The following PDHB variants were observed in gnomAD, a reference collection of about 807,000 sequenced individuals.
PDHB encodes the protein pyruvate dehydrogenase E1 subunit beta.
Under a neutral mutation model 42.8 loss-of-function variants are expected in PDHB, and 17 were observed. That is an observed-to-expected ratio of 0.40 (90% CI 0.27 to 0.60). PDHB has a LOEUF of 0.60. PDHB is among the 20% of genes least tolerant of loss of function. The pLI is 0.46. For synonymous variants in PDHB, 154 were observed against 148.7 expected, an observed-to-expected ratio of 1.04 and a Z score of -0.26; for missense variants, 322 against 451.3, an observed-to-expected ratio of 0.71 and a Z score of 2.60.
intron 8 of PDHB, chr3:58,428,832 A>G (rs1408535221): frequency 1.6e-5 from 9 of 570,242 alleles, no homozygotes; most frequent in Non-Finnish European, 2.8e-5. Context: ...CTGTGCAGTT[A>G]TAGGATTCAT....
At position 58,433,644 on chromosome 3, in the gene PDHB, G is replaced by A; in HGVS notation, c.83C>T (p.Pro28Leu). The stretch of plus-strand genomic sequence containing the variant: ...CGCGCCTGTTACCTGCAGCGCAGCC[G>A]GCGCGGTCCAGTGAAAGCGCCTCTT... The part of the protein sequence containing the change: ...LLKRRFHWTA[P>L]AALQVTVRDA... The change falls in exon 2 of 10, where the codon CCG becomes CTG. Residue 28 changes from proline (P) to leucine (L), a missense_variant. Pro to Leu is a moderately conservative substitution (Grantham distance 98). Coordinates refer to ENST00000302746, the MANE Select transcript of PDHB (RefSeq NM_000925.4). The A allele has an allele frequency of 1.2e-6, 2 of 1,611,666 alleles. No homozygotes were observed. The highest frequency in any genetic ancestry group is 1.7e-5 in the Admixed American group (1 of 59,834).
At chr3:58,433,020 A>AT in intron 2 of PDHB, 1 of 154,104 alleles carries the variant, frequency 6.5e-6, no homozygotes, top group Non-Finnish European at 1.4e-5. Flanking sequence ...TATATATATT[A>AT]TTCAGCCTTA....
chr3:58,431,987 G>A lies in PDHB; in HGVS notation c.97-3C>T. 1 of 1,599,152 alleles carries A rather than the reference G, an allele frequency of 6.3e-7. No homozygotes were observed. Among genetic ancestry groups the A allele is most frequent in the Non-Finnish European group, 8.6e-7 (1 of 1,166,394 alleles). ...TTTATAGCATCACGAACTGTCACCTGTCACAGGTATGCAAAAACAGTCAAT... is the reference window on the plus strand; with the variant it reads ...TTTATAGCATCACGAACTGTCACCTATCACAGGTATGCAAAAACAGTCAAT... On this transcript the variant is annotated splice_polypyrimidine_tract_variant and splice_region_variant and intron_variant, in intron 2 of 9. Transcript: ENST00000302746. This position sits in a 1 kb window ranked among gnomAD's most constrained non-coding sequence, Gnocchi z 4.4.
At position 58,431,492 on chromosome 3, in the gene PDHB, G is replaced by A. The variant is rs1381532397; in HGVS notation, c.303+101C>T. Reference sequence around the variant, plus strand: ...GAACCTGGAAGCTGAGATGGTGCCAGTGCACTCCAGGCTGGACAACAGAGT... The same window carrying A: ...GAACCTGGAAGCTGAGATGGTGCCAATGCACTCCAGGCTGGACAACAGAGT... On this transcript the variant is annotated intron_variant, in intron 5 of 9. Transcript: ENST00000302746. This position sits in a 1 kb window ranked among gnomAD's most constrained non-coding sequence, Gnocchi z 4.4. 4 of 920,302 alleles carry A rather than the reference G, an allele frequency of 4.3e-6. No homozygotes were observed. In the Admixed American group the frequency reaches 5.3e-5, roughly 12 times the overall value. 57.0% of individuals were successfully genotyped at this position (920,302 alleles called of 1,614,324 possible).
At chr3:58,432,140 T>C in intron 2 of PDHB, 156 bp from the exon 3 acceptor site, 1 of 681,150 alleles carries the variant, frequency 1.5e-6, no homozygotes, top group Non-Finnish European at 2.7e-6. Context: ...AAAGTAACAT[T>C]TCTATTACAC....
At chr3:58,429,012 G>A (rs542039224) in intron 8 of PDHB, among the ~76,000 whole-genome samples, 12 of 152,196 alleles carry the variant, frequency 7.9e-5, no homozygotes, top group African/African-American at 2.6e-4. Context: ...AGACCACCAC[G>A]CCTAGCTAAT....
chr3:58,432,418 C>G (rs540844519), intron 2 of PDHB: 21 of 244,192 alleles, frequency 8.6e-5, no homozygotes, highest in African/African-American at 4.6e-4. Flanking sequence ...AAAACAAGGC[C>G]AGGCACGGTG....
intron 2 of PDHB, 31 bp downstream of exon 2, chr3:58,433,600 C>T (rs2062943052): frequency 1.9e-6 from 3 of 1,597,230 alleles, no homozygotes; most frequent in African/African-American, 1.3e-5. Flanking sequence ...ACCCTCCCCG[C>T]CCTCGTCCGA....
In PDHB at chr3:58,427,984, G is replaced by A; in HGVS notation, c.*50C>T. ...CTTGCAGTACAAATCCAGGTGCAGT[G>A]CCAGCAAGTATTTCAAATAAATTTC... On this transcript the variant is annotated 3_prime_UTR_variant, in exon 10 of 10. Coordinates refer to ENST00000302746, the MANE Select transcript of PDHB (RefSeq NM_000925.4). 1 of 1,381,896 alleles carries A rather than the reference G, an allele frequency of 7.2e-7. No homozygotes were observed. Among genetic ancestry groups the A allele is most frequent in the Admixed American group, 1.7e-5 (1 of 58,068 alleles). 85.6% of individuals were successfully genotyped at this position (1,381,896 alleles called of 1,614,324 possible).
chr3:58,428,847 C>G, intron 8 of PDHB: 1 of 538,438 alleles, frequency 1.9e-6, no homozygotes. Context: ...ATTCATTTAT[C>G]TTCCTTCACT....
In PDHB at chr3:58,427,669, A is replaced by T. The variant is rs1023863848; in HGVS notation, c.*365T>A. On this transcript the variant is annotated 3_prime_UTR_variant, in exon 10 of 10. Transcript: ENST00000302746. Reference sequence around the variant, plus strand: ...CCTTTATTCCTTATCAAAACAAACTAACAGTAAATGTATATTATATGCTTT... The same window carrying T: ...CCTTTATTCCTTATCAAAACAAACTTACAGTAAATGTATATTATATGCTTT... 5.3e-6 allele frequency: 2 copies of T among 375,374 alleles called. No homozygotes were observed. The highest frequency in any genetic ancestry group is 1.0e-5 in the Non-Finnish European group (2 of 192,034). 23.3% of individuals were successfully genotyped at this position (375,374 alleles called of 1,614,324 possible).
chr3:58,429,173 T>G (rs147692835), intron 8 of PDHB, among the ~76,000 whole-genome samples: 1 of 152,304 alleles, frequency 6.6e-6, no homozygotes, highest in East Asian at 1.9e-4. Flanking sequence ...TGAGTGCCCA[T>G]CATGTACCAA....
rs773433623 is a variant in PDHB at position 58,433,619 on chromosome 3, C to A, written c.96+12G>T. ...TCCCCGCCCTCGTCCGACGAGCACC[C>A]GCGCCTGTTACCTGCAGCGCAGCCG... On this transcript the variant is annotated intron_variant, in intron 2 of 9. Coordinates refer to ENST00000302746, the MANE Select transcript of PDHB (RefSeq NM_000925.4). 4.4e-6 allele frequency: 7 copies of A among 1,607,882 alleles called. No homozygotes were observed. Among genetic ancestry groups the A allele is most frequent in the African/African-American group, 4.0e-5 (3 of 74,880 alleles).
intron 2 of PDHB, 37 bp from the exon 3 acceptor site, chr3:58,432,021 G>A (rs2062924882): frequency 4.9e-6 from 7 of 1,423,032 alleles, no homozygotes; most frequent in Non-Finnish European, 7.0e-6. Context: ...ATACAGAATT[G>A]TTTGGGATTC....
At chr3:58,428,236 T>C in intron 9 of PDHB, 57 bp from the exon 10 acceptor site, 1 of 1,534,638 alleles carries the variant, frequency 6.5e-7, no homozygotes, top group South Asian at 1.1e-5. Flanking sequence ...CACTACCACC[T>C]TGGCACAGAG....
Position 58,430,212 on chromosome 3 carries a change from A to AC in PDHB, c.615dup (p.Tyr206ValfsTer6). On this transcript the variant is annotated frameshift_variant, in exon 7 of 10. Coordinates refer to ENST00000302746, the MANE Select transcript of PDHB (RefSeq NM_000925.4). LOFTEE classifies it high-confidence loss of function. Reference sequence around the variant, plus strand: ...GGAGGAAATTCAAAAGGAACCCCATACATCAATTCATTCTCTAGCACCACC... The same window carrying AC: ...GGAGGAAATTCAAAAGGAACCCCATACCATCAATTCATTCTCTAGCACCACC... The AC allele has an allele frequency of 6.2e-7, 1 of 1,609,652 alleles. No homozygotes were observed. Among genetic ancestry groups the AC allele is most frequent in the African/African-American group, 1.3e-5 (1 of 74,990 alleles).
Position 58,431,408 on chromosome 3 carries a change from G to T in PDHB, c.303+185C>A, listed in dbSNP as rs978361088. The T allele has an allele frequency of 6.6e-6, 4 of 604,218 alleles. No homozygotes were observed. The highest frequency in any genetic ancestry group is 5.9e-5 in the Admixed American group (2 of 33,944). 37.4% of individuals were successfully genotyped at this position (604,218 alleles called of 1,614,324 possible). A position where few individuals can be genotyped will look rare whatever the true frequency, so the allele number is the denominator to read the frequency against. ...TACTAAAAACACAAAAATTGGCTAG[G>T]CACAGTGGCGCGACCTGTAACCCCA... On this transcript the variant is annotated intron_variant, in intron 5 of 9. Coordinates refer to ENST00000302746, the MANE Select transcript of PDHB (RefSeq NM_000925.4). This position sits in a 1 kb window ranked among gnomAD's most constrained non-coding sequence, Gnocchi z 4.4.
rs1365655625 is a variant in PDHB at position 58,433,652 on chromosome 3, C to T, written c.75G>A (p.Trp25Ter). 1 of 1,612,180 alleles carries T rather than the reference C, an allele frequency of 6.2e-7. No homozygotes were observed. Among genetic ancestry groups the T allele is most frequent in the African/African-American group, 1.3e-5 (1 of 74,918 alleles). Residue 25 changes from tryptophan (W) to a stop codon, truncating the protein, a stop_gained, in exon 2 of 10, where the codon TGG (tryptophan) becomes TGA (stop). Transcript: ENST00000302746. LOFTEE classifies it high-confidence loss of function. ...TTACCTGCAGCGCAGCCGGCGCGGT[C>T]CAGTGAAAGCGCCTCTTCAGCAGCC... ...VSGLLKRRFH[W>*]TAPAALQVTV... is the part of the protein sequence containing the mutation.
rs2062885840 is a variant in PDHB, at chr3:58,427,973, C to T, written c.*61G>A. Reference sequence around the variant, plus strand: ...AATAGTCAGGTCTTGCAGTACAAATCCAGGTGCAGTGCCAGCAAGTATTTC... The same window carrying T: ...AATAGTCAGGTCTTGCAGTACAAATTCAGGTGCAGTGCCAGCAAGTATTTC... On this transcript the variant is annotated 3_prime_UTR_variant, in exon 10 of 10. Transcript: ENST00000302746. 1 of 1,246,926 alleles carries T rather than the reference C, an allele frequency of 8.0e-7. No individual in the cohort carries two copies. The highest frequency in any genetic ancestry group is 1.2e-6 in the Non-Finnish European group (1 of 857,308). The allele number at this position is 1,246,926 out of a possible 1,614,324, so 77.2% of individuals were successfully genotyped here. A position where few individuals can be genotyped will look rare whatever the true frequency, so the allele number is the denominator to read the frequency against.
Sources: allele counts gnomAD v4.1 joint callset (sites outside exome capture counted in the v4.1 genomes callset), GRCh38; gene constraint gnomAD v4.1.1; non-coding constraint Gnocchi (gnomAD v3.1); transcripts MANE v1.5; gene names NCBI Gene and HGNC (gene_info 2026-07-23, HGNC 2026-07-21).